Variants in SERPINB8 observed in about 807,000 individuals in gnomAD.
SERPINB8 encodes the protein serpin family B member 8, also known as serpin B8.
SERPINB8 carries 25 observed loss-of-function variants against 35.3 expected under a neutral mutation model. That is an observed-to-expected ratio of 0.71 (90% CI 0.52 to 0.99). The LOEUF is 0.99. Ranked by LOEUF, SERPINB8 falls within the 50% of genes least tolerant of loss-of-function variation. The pLI, the probability that SERPINB8 is intolerant of heterozygous loss-of-function variation, is 0.00. For synonymous variants in SERPINB8, 186 were observed against 160.8 expected, an observed-to-expected ratio of 1.16 and a Z score of -1.19; for missense variants, 484 against 446.5, an observed-to-expected ratio of 1.08 and a Z score of -0.76.
chr18:63,986,400 A>G, intron 6 of SERPINB8: 12 of 1,533,778 alleles, frequency 7.8e-6, no homozygotes, highest in South Asian at 1.3e-5. Flanking sequence ...CAGATGAAAC[A>G]CAATTCCCTC....
chr18:63,992,730 G>A (rs886081504), downstream of SERPINB8, among the ~76,000 whole-genome samples: 5 of 152,302 alleles, frequency 3.3e-5, no homozygotes, highest in Non-Finnish European at 5.9e-5. Flanking sequence ...AAAAGACAAA[G>A]ACAAAAGAGT....
intron 7 of SERPINB8, among the ~76,000 whole-genome samples, chr18:64,018,743 T>C (rs1489652925): frequency 2.0e-5 from 3 of 152,126 alleles, no homozygotes; most frequent in Non-Finnish European, 2.9e-5. Context: ...ACTTCCTATT[T>C]TTCTGGTTTT....
chr18:63,993,553 T>C (rs1207581002), downstream of SERPINB8, among the ~76,000 whole-genome samples: 1 of 152,240 alleles, frequency 6.6e-6, no homozygotes, highest in Non-Finnish European at 1.5e-5. Context: ...GCTCTGTAAA[T>C]GTGAATTCCA....
intron 1 of SERPINB8, among the ~76,000 whole-genome samples, chr18:63,971,543 G>A (rs1020302417): frequency 6.6e-6 from 1 of 152,200 alleles, no homozygotes; most frequent in Non-Finnish European, 1.5e-5. Context: ...GGCGCCTCGG[G>A]ACTGGGCCCT....
At position 63,989,174 on chromosome 18, in the gene SERPINB8, GTCAC is replaced by G. The variant is rs1293446482; in HGVS notation, c.*1900_*1903del. On this transcript the variant is annotated 3_prime_UTR_variant, in exon 7 of 7. Coordinates refer to ENST00000397985, the MANE Select transcript of SERPINB8 (RefSeq NM_002640.4). ...ATCTATGCTTTGTAGTATGACTCCTGTCACTCAGTACAATTATTTTGAGATTCAT... is the reference window on the plus strand; with the variant it reads ...ATCTATGCTTTGTAGTATGACTCCTGTCAGTACAATTATTTTGAGATTCAT... 4.6e-5 allele frequency: 7 copies of G among 152,118 alleles called. No individual in the cohort carries two copies. The highest frequency in any genetic ancestry group is 1.4e-4 in the African/African-American group (6 of 41,400). 9.4% of individuals were successfully genotyped at this position (152,118 alleles called of 1,614,324 possible). A position where few individuals can be genotyped will look rare whatever the true frequency, so the allele number is the denominator to read the frequency against.
In SERPINB8 at chr18:63,979,712, G is replaced by T. The variant is rs547630705; in HGVS notation, c.169-89G>T. ...CCTTTTTAAAGTAGGATCCTGTGTGGTTTTTTTAGTACAGAGGTTTGTTTG... is the reference window on the plus strand; with the variant it reads ...CCTTTTTAAAGTAGGATCCTGTGTGTTTTTTTTAGTACAGAGGTTTGTTTG... On this transcript the variant is annotated intron_variant, in intron 2 of 6. Coordinates refer to ENST00000397985, the MANE Select transcript of SERPINB8 (RefSeq NM_002640.4). 649 of 1,510,708 alleles carry T rather than the reference G, an allele frequency of 4.3e-4. 1 individual carries two copies. Among genetic ancestry groups the T allele is most frequent in the Non-Finnish European group, 5.2e-4 (574 of 1,103,480 alleles). The allele number at this position is 1,510,708 out of a possible 1,614,324, so 93.6% of individuals were successfully genotyped here.
At chr18:64,015,183 C>A (rs529050458) in intron 7 of SERPINB8, among the ~76,000 whole-genome samples, 1 of 152,084 alleles carries the variant, frequency 6.6e-6, no homozygotes, top group Admixed American at 6.6e-5. Context: ...TCGGCCTGCC[C>A]AGTTGTGGGG....
chr18:64,019,480 C>A (rs755433766), exon 8 of SERPINB8: 1 of 152,202 alleles, frequency 6.6e-6, no homozygotes, highest in Non-Finnish European at 1.5e-5. Context: ...TTGCCAGAAC[C>A]AATCACAGAA....
chr18:63,981,944 G>T, intron 4 of SERPINB8, 106 bp downstream of exon 4: 1 of 719,048 alleles, frequency 1.4e-6, no homozygotes, highest in Non-Finnish European at 2.4e-6. Context: ...GCATACCACA[G>T]GCCTGTTTGT....
At chr18:64,006,756 A>G (rs1209269698), downstream of SERPINB8, among the ~76,000 whole-genome samples, 1 of 152,246 alleles carries the variant, frequency 6.6e-6, no homozygotes, top group Admixed American at 6.5e-5. Flanking sequence ...CTAGGTATAT[A>G]CTTATGACTA....
At position 63,988,965 on chromosome 18, in the gene SERPINB8, A is replaced by G. The variant is rs970111518; in HGVS notation, c.*1687A>G. 1 of 152,224 alleles carries G rather than the reference A, an allele frequency of 6.6e-6. No individual in the cohort carries two copies. Among genetic ancestry groups the G allele is most frequent in the Non-Finnish European group, 1.5e-5 (1 of 68,038 alleles). The allele number at this position is 152,224 out of a possible 1,614,324, so 9.4% of individuals were successfully genotyped here. A position where few individuals can be genotyped will look rare whatever the true frequency, so the allele number is the denominator to read the frequency against. On this transcript the variant is annotated 3_prime_UTR_variant, in exon 7 of 7. Coordinates refer to ENST00000397985, the MANE Select transcript of SERPINB8 (RefSeq NM_002640.4). ...GAAACAAACCATCGCTATATTCAAG[A>G]TAATGAACCTATCTATCATACTCCC...
At chr18:63,991,710 A>G (rs1291560741), downstream of SERPINB8, among the ~76,000 whole-genome samples, 1 of 151,860 alleles carries the variant, frequency 6.6e-6, no homozygotes, top group African/African-American at 2.4e-5. Flanking sequence ...ACTTGATTAG[A>G]AGTAGTGAAA....
chr18:63,983,842 T>C, intron 5 of SERPINB8, 121 bp downstream of exon 5: 1 of 694,634 alleles, frequency 1.4e-6, no homozygotes, highest in East Asian at 2.9e-5. Context: ...TTCTGAATTA[T>C]ATTATATTAT....
chr18:64,007,981 T>C (rs929544184), downstream of SERPINB8, among the ~76,000 whole-genome samples: 3 of 152,226 alleles, frequency 2.0e-5, no homozygotes, highest in African/African-American at 7.2e-5. Context: ...TTTTGTTACT[T>C]AATTTTTAAT....
At chr18:64,010,678 A>G (rs142038427) in intron 7 of SERPINB8, among the ~76,000 whole-genome samples, 1 of 152,238 alleles carries the variant, frequency 6.6e-6, no homozygotes, top group Admixed American at 6.5e-5. Flanking sequence ...CCAACACAAA[A>G]CATCATGCAG....
intron 7 of SERPINB8, among the ~76,000 whole-genome samples, chr18:64,014,177 A>AT (rs2050939055): frequency 6.6e-6 from 1 of 152,202 alleles, no homozygotes; most frequent in Admixed American, 6.5e-5. Context: ...GGAGTAGTGT[A>AT]TGCAGAAAAG....
chr18:64,010,505 C>T (rs1258727353), downstream of SERPINB8, among the ~76,000 whole-genome samples: 1 of 152,006 alleles, frequency 6.6e-6, no homozygotes, highest in African/African-American at 2.4e-5. Context: ...AATGATATTG[C>T]ACTCATACAG....
chr18:64,000,876 C>A (rs948747937), intron 1 of SERPINB8, among the ~76,000 whole-genome samples: 1 of 152,230 alleles, frequency 6.6e-6, no homozygotes, highest in African/African-American at 2.4e-5. Flanking sequence ...GCAGCTCTCT[C>A]TAACAATTGT....
downstream of SERPINB8, among the ~76,000 whole-genome samples, chr18:63,994,130 C>T (rs2050837400): frequency 6.6e-6 from 1 of 152,026 alleles, no homozygotes; most frequent in Non-Finnish European, 1.5e-5. Flanking sequence ...GACTTCTAGG[C>T]AATGAGACAA....
Sources: allele counts gnomAD v4.1 joint callset (sites outside exome capture counted in the v4.1 genomes callset), GRCh38; gene constraint gnomAD v4.1.1; transcripts MANE v1.5; gene names NCBI Gene and HGNC (gene_info 2026-07-23, HGNC 2026-07-21).